Variants in PTPRG observed in about 807,000 individuals in gnomAD.
The protein encoded by PTPRG is receptor-type tyrosine-protein phosphatase gamma.
A neutral mutation model predicts 165.3 loss-of-function variants in PTPRG; 102 were observed. The observed-to-expected ratio is 0.62, with a 90% CI of 0.53 to 0.73. The LOEUF is 0.73. PTPRG is among the 30% of genes least tolerant of loss of function. PTPRG has a pLI of 0.00. For missense variants in PTPRG, 1,866 were observed against 1,861.4 expected (o/e 1.00, Z -0.05); for synonymous variants, 675 against 669.5 (o/e 1.01, Z -0.13).
intron 5 of PTPRG, among the ~76,000 whole-genome samples, chr3:62,094,073 G>A (rs759772110): frequency 6.6e-5 from 10 of 152,172 alleles, no homozygotes; most frequent in Non-Finnish European, 1.5e-4. Flanking sequence ...TGTAAAGTAG[G>A]GACTTCTATC....
At chr3:62,196,088 A>G (rs909289578) in intron 10 of PTPRG, among the ~76,000 whole-genome samples, 1 of 151,006 alleles carries the variant, frequency 6.6e-6, no homozygotes, top group Non-Finnish European at 1.5e-5. Context: ...ACGCCCGGCA[A>G]TGGGATGTTT....
intron 1 of PTPRG, among the ~76,000 whole-genome samples, chr3:61,635,376 G>A (rs1452781449): frequency 6.7e-6 from 1 of 149,834 alleles, no homozygotes; most frequent in African/African-American, 2.4e-5. Context: ...TATTATTAGA[G>A]ACAGAGTCTC....
intron 4 of PTPRG, among the ~76,000 whole-genome samples, chr3:62,028,644 C>T (rs779888225): frequency 6.6e-6 from 1 of 152,198 alleles, no homozygotes; most frequent in Non-Finnish European, 1.5e-5. Context: ...GCTTTGTTAG[C>T]ATTCCTGGGT....
intron 1 of PTPRG, among the ~76,000 whole-genome samples, chr3:61,569,312 C>T (rs2106768020): frequency 6.6e-6 from 1 of 152,270 alleles, no homozygotes; most frequent in East Asian, 1.9e-4. Context: ...AGAAAAGTTA[C>T]ATACCCTCTC....
chr3:61,600,873 G>C (rs1441478072), intron 1 of PTPRG, among the ~76,000 whole-genome samples: 1 of 152,088 alleles, frequency 6.6e-6, no homozygotes, highest in Non-Finnish European at 1.5e-5. Flanking sequence ...TTAAAGTTGG[G>C]TATTTTCAAG....
In PTPRG at chr3:61,994,220, T is replaced by C. The variant is rs531140908; in HGVS notation, c.370+4416T>C. Among the ~76,000 whole-genome samples, 14 of 152,380 alleles carry C rather than the reference T, an allele frequency of 9.2e-5. No homozygotes were observed. The South Asian group carries it at 2.7e-3, about 29-fold the overall frequency. On this transcript the variant is annotated intron_variant, in intron 3 of 29. Coordinates refer to ENST00000474889, the MANE Select transcript of PTPRG (RefSeq NM_002841.4). ...TTCCTAGCATTAGCTTCCAGCAAAATGATCAGAATTTAATACTTAGACGGT... is the reference window on the plus strand; with the variant it reads ...TTCCTAGCATTAGCTTCCAGCAAAACGATCAGAATTTAATACTTAGACGGT...
rs73095527 is a variant in PTPRG, at chr3:61,670,198, A to G, written c.86-78680A>G. Reference sequence around the variant, plus strand: ...GCCGAATCTGAACTGATTGAATTGCATTGGGACTCAGTTTGTAGTCAGTGA... The same window carrying G: ...GCCGAATCTGAACTGATTGAATTGCGTTGGGACTCAGTTTGTAGTCAGTGA... On this transcript the variant is annotated intron_variant, in intron 1 of 29. Coordinates refer to ENST00000474889, the MANE Select transcript of PTPRG (RefSeq NM_002841.4). Among the ~76,000 whole-genome samples the G allele has an allele frequency of 7.0e-3, 1,072 of 152,346 alleles. 7 individuals carry two copies. The highest frequency in any genetic ancestry group is 0.015 in the Admixed American group (228 of 15,296).
At chr3:61,639,158 A>G (rs1327204114) in intron 1 of PTPRG, among the ~76,000 whole-genome samples, 1 of 152,180 alleles carries the variant, frequency 6.6e-6, no homozygotes. Flanking sequence ...CATTAATTGA[A>G]TAGATAATCC....
intron 4 of PTPRG, among the ~76,000 whole-genome samples, chr3:62,040,264 C>T (rs1253336742): frequency 6.6e-6 from 1 of 152,176 alleles, no homozygotes; most frequent in African/African-American, 2.4e-5. Context: ...GCCCAAATAT[C>T]AGTTTTAACA....
chr3:62,043,778 A>G (rs944728714), intron 4 of PTPRG, among the ~76,000 whole-genome samples: 1 of 152,234 alleles, frequency 6.6e-6, no homozygotes, highest in Non-Finnish European at 1.5e-5. Flanking sequence ...AACAGTAGAA[A>G]ACACAACCCT....
intron 1 of PTPRG, among the ~76,000 whole-genome samples, chr3:61,566,800 G>A (rs1442021039): frequency 6.6e-6 from 1 of 152,196 alleles, no homozygotes; most frequent in Non-Finnish European, 1.5e-5. Flanking sequence ...CTGGGCTGTT[G>A]CTTTAACACT....
chr3:61,923,805 G>A (rs2039141675), intron 2 of PTPRG, among the ~76,000 whole-genome samples: 1 of 150,296 alleles, frequency 6.7e-6, no homozygotes, highest in Non-Finnish European at 1.5e-5. Flanking sequence ...CAAAACACTG[G>A]GACTATAAGC....
intron 2 of PTPRG, among the ~76,000 whole-genome samples, chr3:61,831,938 CAT>C (rs933968825): frequency 2.0e-4 from 31 of 152,022 alleles, no homozygotes; most frequent in African/African-American, 6.5e-4. Flanking sequence ...GAATAAACAA[CAT>C]CTTGTCTATA....
chr3:61,759,961 C>G (rs2033778772), intron 2 of PTPRG, among the ~76,000 whole-genome samples: 1 of 152,098 alleles, frequency 6.6e-6, no homozygotes, highest in Non-Finnish European at 1.5e-5. Context: ...TCATTATACC[C>G]TGGTACCCTT....
chr3:62,069,637 G>GTCTCTCTCTCTC (rs537162206), intron 4 of PTPRG, among the ~76,000 whole-genome samples: 6 of 141,150 alleles, frequency 4.3e-5, no homozygotes, highest in East Asian at 4.5e-4. Flanking sequence ...TAGGATCGAT[G>GTCTCTCTCTCTC]TCTCTCTCTC....
Position 62,228,036 on chromosome 3 carries a change from C to T in PTPRG, c.2289-3189C>T, listed in dbSNP as rs1700805419. Among the ~76,000 whole-genome samples the T allele has an allele frequency of 1.3e-5, 2 of 152,058 alleles. No individual in the cohort carries two copies. The highest frequency in any genetic ancestry group is 2.9e-5 in the Non-Finnish European group (2 of 68,012). On this transcript the variant is annotated intron_variant, in intron 13 of 29. Transcript: ENST00000474889. This position sits in a 1 kb window ranked among gnomAD's most constrained non-coding sequence, Gnocchi z 4.1. ...CCTTGCCAGTTTGCCAGTCTCTGCC[C>T]TCCCCGCTATTCCCTGCCTGTTTGG...
At chr3:62,055,516 A>G (rs1700603803) in intron 4 of PTPRG, among the ~76,000 whole-genome samples, 1 of 152,208 alleles carries the variant, frequency 6.6e-6, no homozygotes, top group Admixed American at 6.5e-5. Context: ...ACGGAGACAT[A>G]GGTGAAGTTC....
chr3:61,817,643 A>T (rs1433869540), intron 2 of PTPRG, among the ~76,000 whole-genome samples: 3 of 152,098 alleles, frequency 2.0e-5, no homozygotes, highest in Non-Finnish European at 4.4e-5. Context: ...CAGCTACGAG[A>T]CCTGCGTGGA....
chr3:61,881,429 G>A (rs1454888384), intron 2 of PTPRG, among the ~76,000 whole-genome samples: 1 of 152,192 alleles, frequency 6.6e-6, no homozygotes, highest in African/African-American at 2.4e-5. Context: ...TCAGACGACT[G>A]TGAGTTTACA....
Sources: allele counts gnomAD v4.1 joint callset (sites outside exome capture counted in the v4.1 genomes callset), GRCh38; gene constraint gnomAD v4.1.1; non-coding constraint Gnocchi (gnomAD v3.1); transcripts MANE v1.5; gene names NCBI Gene and HGNC (gene_info 2026-07-23, HGNC 2026-07-21).